The following COL16A1 variants were observed in gnomAD, a reference collection of about 807,000 sequenced individuals.
COL16A1 encodes collagen type XVI alpha 1 chain, also known as collagen alpha-1(XVI) chain.
A neutral mutation model predicts 266.3 loss-of-function variants in COL16A1; 189 were observed. The observed-to-expected ratio is 0.71, with a 90% CI of 0.63 to 0.80. COL16A1 has a LOEUF of 0.80. Ranked by LOEUF, COL16A1 falls within the 30% of genes least tolerant of loss-of-function variation. The pLI is 0.00. For missense variants in COL16A1, 1,928 were observed against 2,122.4 expected (o/e 0.91, Z 1.80); for synonymous variants, 740 against 782.3 (o/e 0.95, Z 0.90).
chr1:31,683,925 C>A (rs1172424915), intron 33 of COL16A1, 25 bp downstream of exon 33: 2 of 1,613,902 alleles, frequency 1.2e-6, no homozygotes, highest in Non-Finnish European at 1.7e-6. Flanking sequence ...TAGCTACGGC[C>A]CAGGGCCCCA....
intron 60 of COL16A1, 134 bp from the exon 61 acceptor site, chr1:31,661,253 T>C: frequency 6.8e-7 from 1 of 1,476,914 alleles, no homozygotes; most frequent in South Asian, 1.3e-5. Flanking sequence ...CTCCAGCTGG[T>C]AGACAGAGAA....
Position 31,658,502 on chromosome 1 carries a change from G to A in COL16A1, c.4006C>T (p.His1336Tyr), listed in dbSNP as rs772699098. Residue 1336 changes from histidine (H) to tyrosine (Y), a missense_variant, in exon 64 of 71, where the codon CAC becomes TAC. His to Tyr is a moderately conservative substitution (Grantham distance 83). This residue lies in a region of COL16A1 where 376 missense variants were observed against 485.2 expected (regional missense o/e 0.77). Coordinates refer to ENST00000373672, the MANE Select transcript of COL16A1 (RefSeq NM_001856.4). ...GLPGQPGPPG[H>Y]PGPPGEPGTD... is the part of the protein sequence containing the mutation. The stretch of plus-strand genomic sequence containing the variant: ...TGGGATCTTACTGGGGGGCCAGGGT[G>A]TCCAGGGGGGCCGGGCTGGCCTGGG... 16 of 1,602,936 alleles carry A rather than the reference G, an allele frequency of 1.0e-5. No individual in the cohort carries two copies. The highest frequency in any genetic ancestry group is 1.3e-5 in the African/African-American group (1 of 74,852).
chr1:31,683,712 G>A lies in COL16A1; in HGVS notation c.2374C>T (p.Pro792Ser). 1 of 1,614,138 alleles carries A rather than the reference G, an allele frequency of 6.2e-7. No individual in the cohort carries two copies. The highest frequency in any genetic ancestry group is 1.1e-5 in the South Asian group (1 of 91,084). The change falls in exon 34 of 71, where the codon CCC becomes TCC. Residue 792 changes from proline (P) to serine (S), a missense_variant. Physicochemically the swap from Pro to Ser is moderately conservative, Grantham distance 74 (BLOSUM62 -1). Transcript: ENST00000373672. Reference protein sequence around the residue: ...PGPPGRGVQGPQGEPGAPGLP... With the variant: ...PGPPGRGVQGSQGEPGAPGLP... ...AGGCAGGGCTAGAGACTCACCTGGG[G>A]TCCCTGGACTCCCCTTCCTGGAGGC...
At position 31,697,396 on chromosome 1, in the gene COL16A1, G is replaced by T; in HGVS notation, c.658-96C>A. 1 of 1,260,002 alleles carries T rather than the reference G, an allele frequency of 7.9e-7. No individual in the cohort carries two copies. Among genetic ancestry groups the T allele is most frequent in the Non-Finnish European group, 1.1e-6 (1 of 904,630 alleles). 78.1% of individuals were successfully genotyped at this position (1,260,002 alleles called of 1,614,324 possible). A position where few individuals can be genotyped will look rare whatever the true frequency, so the allele number is the denominator to read the frequency against. On this transcript the variant is annotated intron_variant, in intron 6 of 70. Coordinates refer to ENST00000373672, the MANE Select transcript of COL16A1 (RefSeq NM_001856.4). This position sits in a 1 kb window ranked among gnomAD's most constrained non-coding sequence, Gnocchi z 4.2. ...CACAGAGATGTCTCTGCCCCAGGATGTGACCTCAGGGTGTTTCCAGTCTGG... is the reference window on the plus strand; with the variant it reads ...CACAGAGATGTCTCTGCCCCAGGATTTGACCTCAGGGTGTTTCCAGTCTGG...
rs1404628583 is a variant in COL16A1, at chr1:31,686,271, G to A, written c.1812C>T (p.Phe604=). 9 of 1,614,174 alleles carry A rather than the reference G, an allele frequency of 5.6e-6. No individual in the cohort carries two copies. Among genetic ancestry groups the A allele is most frequent in the South Asian group, 4.4e-5 (4 of 91,088 alleles). ...VPGLKGEKGN[F]GEAGPAGSPG... is the part of the protein sequence containing the mutation. Reference sequence around the variant, plus strand: ...GACTGCCAGCTGGCCCTGCCTCCCCGAAGTTACCCTGAGAGAAAGCACAGA... The same window carrying A: ...GACTGCCAGCTGGCCCTGCCTCCCCAAAGTTACCCTGAGAGAAAGCACAGA... The change falls in exon 27 of 71, where the codon TTC becomes TTT. Residue 604 remains phenylalanine (F), a synonymous_variant. Transcript: ENST00000373672.
rs1570364706 is a variant in COL16A1 at position 31,660,761 on chromosome 1, A to C, written c.3826-123T>G. The C allele has an allele frequency of 2.3e-5, 33 of 1,406,368 alleles. No individual in the cohort carries two copies. In the East Asian group the frequency reaches 7.7e-4, roughly 33 times the overall value. The allele number at this position is 1,406,368 out of a possible 1,614,324, so 87.1% of individuals were successfully genotyped here. ...TGCCAATGGCCAAAGGAGCTGGGCC[A>C]ATTCCCAGCCTCCAGACCCAAGTTT... On this transcript the variant is annotated intron_variant, in intron 61 of 70. Coordinates refer to ENST00000373672, the MANE Select transcript of COL16A1 (RefSeq NM_001856.4).
At chr1:31,693,375 T>C in intron 12 of COL16A1, 1 of 581,362 alleles carries the variant, frequency 1.7e-6, no homozygotes, top group Non-Finnish European at 3.1e-6. Flanking sequence ...CAAGATGCTA[T>C]ATTTGGCAAA....
Position 31,700,089 on chromosome 1 carries a change from C to T in COL16A1, c.100G>A (p.Glu34Lys), listed in dbSNP as rs1644670083. 1 of 1,614,056 alleles carries T rather than the reference C, an allele frequency of 6.2e-7. No homozygotes were observed. Among genetic ancestry groups the T allele is most frequent in the African/African-American group, 1.3e-5 (1 of 74,906 alleles). ...TGAQCPPSQQ[E>K]GLKLEHSSSL... ...CTACTGTGTTCCAATTTGAGTCCTT[C>T]CTGCTGTGAAGGTGGGCATTGTGCA... The change falls in exon 3 of 71, where the codon GAA becomes AAA. Residue 34 changes from glutamate (E) to lysine (K), a missense_variant. Glu to Lys is a moderately conservative substitution (Grantham distance 56). Around this residue, in one of 2 missense-constraint regions of COL16A1, gnomAD observed 1,552 missense variants for 1,637.2 expected, o/e 0.95. Coordinates refer to ENST00000373672, the MANE Select transcript of COL16A1 (RefSeq NM_001856.4).
intron 23 of COL16A1, 199 bp downstream of exon 23, chr1:31,689,542 C>T (rs761855426): frequency 1.0e-4 from 61 of 602,284 alleles, no homozygotes; most frequent in Non-Finnish European, 1.7e-4. Flanking sequence ...CCATGGAGAC[C>T]GGAGGTGGCA....
In COL16A1 at chr1:31,698,052, G is replaced by A. The variant is rs766363776; in HGVS notation, c.511C>T (p.Leu171=). 2 of 1,613,988 alleles carry A rather than the reference G, an allele frequency of 1.2e-6. No individual in the cohort carries two copies. Among genetic ancestry groups the A allele is most frequent in the East Asian group, 4.5e-5 (2 of 44,890 alleles). The change falls in exon 6 of 71, where the codon CTG becomes TTG. Residue 171 remains leucine, a synonymous_variant. Transcript: ENST00000373672. The surrounding 1 kb of genome is among the most constrained non-coding windows in gnomAD (Gnocchi z 4.1). ...PQLFDLRWHK[L]MLSVAGRVAS... The stretch of plus-strand genomic sequence containing the variant: ...ACACGTCCAGCCACACTCAGCATCA[G>A]CTTGTGCCAACGCAAGTCGAAGAGC...
chr1:31,698,512 G>A lies in COL16A1; in HGVS notation c.361C>T (p.Gln121Ter). 1 of 1,614,156 alleles carries A rather than the reference G, an allele frequency of 6.2e-7. No homozygotes were observed. Among genetic ancestry groups the A allele is most frequent in the Non-Finnish European group, 8.5e-7 (1 of 1,180,038 alleles). The change falls in exon 5 of 71, where the codon CAA becomes TAA. Residue 121 changes from glutamine (Q) to a stop codon, truncating the protein, a stop_gained. Coordinates refer to ENST00000373672, the MANE Select transcript of COL16A1 (RefSeq NM_001856.4). LOFTEE classifies it high-confidence loss of function. The surrounding 1 kb of genome is among the most constrained non-coding windows in gnomAD (Gnocchi z 4.1). ...GGATACCCATTTGCATCGGTCACTT[G>A]AAACAGATACCACGTCTTCTGGTGG... ...HTHQKTWYLF[Q>*]VTDANGYPQI...
Position 31,683,364 on chromosome 1 carries a change from C to T in COL16A1, c.2385G>A (p.Glu795=), listed in dbSNP as rs1409916174. ...PGRGVQGPQG[E]PGAPGLPGIQ... ...TGCCAGGCAAACCCGGGGCTCCAGG[C>T]TCCCCCTGCAAGTCAGAAAGGGCAG... The change falls in exon 35 of 71, where the codon GAG becomes GAA. Residue 795 remains glutamate, a synonymous_variant. Coordinates refer to ENST00000373672, the MANE Select transcript of COL16A1 (RefSeq NM_001856.4). 1.9e-6 allele frequency: 3 copies of T among 1,613,962 alleles called. No individual in the cohort carries two copies. In the Admixed American group the frequency reaches 5.0e-5, roughly 27 times the overall value.
At chr1:31,682,534 C>T (rs1274411428) in intron 37 of COL16A1, among the ~76,000 whole-genome samples, 1 of 152,192 alleles carries the variant, frequency 6.6e-6, no homozygotes, top group Non-Finnish European at 1.5e-5. Context: ...AGCACCGGTT[C>T]ACATGTCCCT....
chr1:31,681,005 C>T lies in COL16A1; in HGVS notation c.2583+18G>A, dbSNP rs1463521432. The T allele has an allele frequency of 1.9e-6, 3 of 1,613,668 alleles. No individual in the cohort carries two copies. In the African/African-American group the frequency reaches 4.0e-5, roughly 22 times the overall value. ...GGGCCGGCCATGGCTTCCTGCTGCC[C>T]CAAGGCACTGTACTCACTGGTGTTC... On this transcript the variant is annotated intron_variant, in intron 38 of 70. Coordinates refer to ENST00000373672, the MANE Select transcript of COL16A1 (RefSeq NM_001856.4).
Position 31,702,183 on chromosome 1 carries a change from G to A in COL16A1, c.11C>T (p.Ser4Phe), listed in dbSNP as rs1644747561. MWV[S>F]WAPGLWLLGL... ...GAGCAGCCACAGGCCAGGAGCCCAG[G>A]ATACCCACATCCCGGTCCAAAGAGG... The change falls in exon 2 of 71, where the codon TCC (serine) becomes TTC (phenylalanine). Residue 4 changes from serine (S) to phenylalanine (F), a missense_variant. Transcript: ENST00000373672. 1 of 1,614,114 alleles carries A rather than the reference G, an allele frequency of 6.2e-7. No homozygotes were observed. Among genetic ancestry groups the A allele is most frequent in the Non-Finnish European group, 8.5e-7 (1 of 1,179,990 alleles).
Position 31,698,046 on chromosome 1 carries a change from G to A in COL16A1, c.517C>T (p.Leu173=). 2.5e-6 allele frequency: 4 copies of A among 1,613,954 alleles called. 1 individual carries two copies. The highest frequency in any genetic ancestry group is 3.4e-6 in the Non-Finnish European group (4 of 1,180,056). The change falls in exon 6 of 71, where the codon CTG becomes TTG. Residue 173 remains leucine, a synonymous_variant. Coordinates refer to ENST00000373672, the MANE Select transcript of COL16A1 (RefSeq NM_001856.4). This position sits in a 1 kb window ranked among gnomAD's most constrained non-coding sequence, Gnocchi z 4.1. The part of the protein sequence containing the change: ...LFDLRWHKLM[L]SVAGRVASVH... ...GAGGCCACACGTCCAGCCACACTCAGCATCAGCTTGTGCCAACGCAAGTCG... is the reference window on the plus strand; with the variant it reads ...GAGGCCACACGTCCAGCCACACTCAACATCAGCTTGTGCCAACGCAAGTCG...
chr1:31,691,995 A>C lies in COL16A1; in HGVS notation c.1257+10T>G, dbSNP rs1433514274. The C allele has an allele frequency of 2.5e-6, 4 of 1,613,690 alleles. No individual in the cohort carries two copies. The highest frequency in any genetic ancestry group is 2.5e-6 in the Non-Finnish European group (3 of 1,180,000). On this transcript the variant is annotated intron_variant, in intron 17 of 70. Coordinates refer to ENST00000373672, the MANE Select transcript of COL16A1 (RefSeq NM_001856.4). ...GTGGGTTGTGGTGGGGAAGGGTCCC[A>C]GGCACCTACGTCCCGGCCTGGCTTT...
intron 8 of COL16A1, 141 bp from the exon 9 acceptor site, chr1:31,696,282 C>T: frequency 3.0e-6 from 2 of 656,456 alleles, no homozygotes; most frequent in Non-Finnish European, 2.6e-6. Context: ...CATCAAGGGC[C>T]TGCTCAGGCC....
chr1:31,679,539 G>T (rs113432435), intron 42 of COL16A1, 93 bp downstream of exon 42: 9 of 1,613,864 alleles, frequency 5.6e-6, no homozygotes, highest in Admixed American at 1.7e-5. Context: ...TTTTTGGGGT[G>T]GGGGAGCAGC....
Sources: gnomAD v4.1 joint callset for allele counts (sites outside exome capture counted in the v4.1 genomes callset) on GRCh38, gnomAD v4.1.1 for gene constraint, gnomAD v4.1.1 regional missense constraint, Gnocchi (gnomAD v3.1) non-coding constraint, MANE v1.5 for transcripts, NCBI Gene and HGNC (gene_info 2026-07-23, HGNC 2026-07-21) for gene names.